The following NOX4 variants were observed in gnomAD, a reference collection of about 807,000 sequenced individuals.
The protein encoded by NOX4 is NADPH oxidase 4.
In NOX4, 69 loss-of-function variants were observed where a neutral mutation model predicts 87.6. The observed-to-expected ratio is 0.79, with a 90% confidence interval of 0.65 to 0.96. The LOEUF is 0.96. Among genes scored for constraint, NOX4 ranks in the 40% least tolerant of loss-of-function variants. NOX4 has a pLI of 0.00. For missense variants in NOX4, 680 were observed against 681.5 expected, an observed-to-expected ratio of 1.00 and a Z score of 0.02; for synonymous variants, 275 against 238.2, an observed-to-expected ratio of 1.15 and a Z score of -1.42.
intron 2 of NOX4, among the ~76,000 whole-genome samples, chr11:89,481,629 C>T (rs1265609381): frequency 6.6e-6 from 1 of 152,092 alleles, no homozygotes; most frequent in Non-Finnish European, 1.5e-5. Context: ...TCCAGAATTA[C>T]TTAGGCAATT....
chr11:89,330,094 G>A (rs1945405804), intron 17 of NOX4, among the ~76,000 whole-genome samples: 1 of 152,032 alleles, frequency 6.6e-6, no homozygotes, highest in Non-Finnish European at 1.5e-5. Context: ...TGCAAAAATA[G>A]CAAAACGGAT....
Position 89,337,443 on chromosome 11 carries a change from A to T in NOX4, c.1515+4T>A, listed in dbSNP as rs1225219563. On this transcript the variant is annotated splice_donor_region_variant and intron_variant, in intron 16 of 17. Coordinates refer to ENST00000263317, the MANE Select transcript of NOX4 (RefSeq NM_016931.5). ...TTTAATTTACGATAACATCAACCAC[A>T]TACCTGTATCCCATCTGTTTGACTG... 1 of 1,611,898 alleles carries T rather than the reference A, an allele frequency of 6.2e-7. No individual in the cohort carries two copies. The highest frequency in any genetic ancestry group is 1.7e-5 in the Admixed American group (1 of 59,850).
At chr11:89,356,071 T>C (rs1938022107) in intron 12 of NOX4, among the ~76,000 whole-genome samples, 1 of 152,152 alleles carries the variant, frequency 6.6e-6, no homozygotes, top group African/African-American at 2.4e-5. Flanking sequence ...TAACAGAACA[T>C]AATTTTTATT....
chr11:89,530,898 C>T, the NOX4 span, among the ~76,000 whole-genome samples: 69 of 152,008 alleles, frequency 4.5e-4, no homozygotes, highest in African/African-American at 1.5e-3. Context: ...AAATAAGAAA[C>T]GTAGGTACAG....
At chr11:89,576,422 T>G in the NOX4 span, among the ~76,000 whole-genome samples, 1 of 152,260 alleles carries the variant, frequency 6.6e-6, no homozygotes, top group African/African-American at 2.4e-5. Flanking sequence ...ATTTAAATTG[T>G]ATTTCTGTGT....
intron 7 of NOX4, among the ~76,000 whole-genome samples, chr11:89,424,731 T>C (rs896240033): frequency 6.6e-6 from 1 of 152,042 alleles, no homozygotes; most frequent in Admixed American, 6.6e-5. Context: ...ACGGGATACA[T>C]TAATTATTTT....
the NOX4 span, among the ~76,000 whole-genome samples, chr11:89,551,694 C>A: frequency 1.3e-5 from 2 of 152,228 alleles, no homozygotes; most frequent in East Asian, 1.9e-4. Context: ...AGTTTTGGGG[C>A]TGAGATGATG....
intron 12 of NOX4, among the ~76,000 whole-genome samples, chr11:89,372,228 C>G (rs1939500648): frequency 6.6e-6 from 1 of 151,726 alleles, no homozygotes; most frequent in African/African-American, 2.4e-5. Flanking sequence ...CAAGTCTTCC[C>G]TTGATTTTAA....
chr11:89,339,976 T>C (rs749795140), intron 15 of NOX4, 87 bp downstream of exon 15: 12 of 645,014 alleles, frequency 1.9e-5, no homozygotes, highest in African/African-American at 3.8e-5. Context: ...GTTTATTCTA[T>C]GGCAAGCATT....
At chr11:89,501,097 C>T (rs1008408150), upstream of NOX4, among the ~76,000 whole-genome samples, 7 of 151,588 alleles carry the variant, frequency 4.6e-5, no homozygotes, top group African/African-American at 7.3e-5. Context: ...TTTTTAATGT[C>T]GTATTTTTGG....
At chr11:89,384,127 A>G (rs1276136605) in intron 11 of NOX4, among the ~76,000 whole-genome samples, 1 of 152,176 alleles carries the variant, frequency 6.6e-6, no homozygotes, top group Admixed American at 6.5e-5. Context: ...TCTGTGCGTT[A>G]TCAACCAAAT....
intron 11 of NOX4, among the ~76,000 whole-genome samples, chr11:89,392,923 G>T (rs1476581106): frequency 6.6e-6 from 1 of 152,134 alleles, no homozygotes; most frequent in Non-Finnish European, 1.5e-5. Context: ...ATTTGGAAGT[G>T]AGCTGTTCTC....
intron 2 of NOX4, among the ~76,000 whole-genome samples, chr11:89,462,625 A>C (rs755627586): frequency 3.3e-5 from 5 of 152,102 alleles, no homozygotes; most frequent in Non-Finnish European, 5.9e-5. Context: ...TCGATGAAGA[A>C]AAACATTGGT....
At chr11:89,504,404 G>A in the NOX4 span, among the ~76,000 whole-genome samples, 11 of 151,916 alleles carry the variant, frequency 7.2e-5, no homozygotes, top group Admixed American at 7.2e-4. Context: ...GGGATGCAAT[G>A]TTATCAGTTT....
chr11:89,565,315 GT>G, the NOX4 span, among the ~76,000 whole-genome samples: 1 of 151,676 alleles, frequency 6.6e-6, no homozygotes, highest in East Asian at 1.9e-4. Flanking sequence ...TTTACCACTG[GT>G]TTATACATAA....
At chr11:89,539,748 C>A in the NOX4 span, among the ~76,000 whole-genome samples, 1 of 152,104 alleles carries the variant, frequency 6.6e-6, no homozygotes, top group East Asian at 1.9e-4. Context: ...AGTCCTGATA[C>A]CAGAACTGGC....
At chr11:89,578,982 A>T in the NOX4 span, among the ~76,000 whole-genome samples, 2 of 152,224 alleles carry the variant, frequency 1.3e-5, no homozygotes, top group African/African-American at 2.4e-5. Context: ...GCAATAAAAC[A>T]AATGAACTAT....
the NOX4 span, among the ~76,000 whole-genome samples, chr11:89,550,465 T>C: frequency 6.6e-6 from 1 of 152,068 alleles, no homozygotes; most frequent in African/African-American, 2.4e-5. Context: ...GGATTACAGG[T>C]GTAAGCCATA....
intron 11 of NOX4, among the ~76,000 whole-genome samples, chr11:89,385,054 G>A (rs1445048114): frequency 1.3e-5 from 2 of 152,074 alleles, no homozygotes; most frequent in Non-Finnish European, 2.9e-5. Flanking sequence ...CTACCGCTCT[G>A]TCCCCTCCAC....
Sources: gnomAD v4.1 joint callset for allele counts (sites outside exome capture counted in the v4.1 genomes callset) on GRCh38, gnomAD v4.1.1 for gene constraint, MANE v1.5 for transcripts, NCBI Gene and HGNC (gene_info 2026-07-23, HGNC 2026-07-21) for gene names.